METTL15: variants seen among roughly 807,000 people sequenced by gnomAD.
The protein encoded by METTL15 is 12S rRNA N(4)-cytidine methyltransferase METTL15.
Under a neutral mutation model 38.3 loss-of-function variants are expected in METTL15, and 34 were observed. The observed-to-expected ratio is 0.89, with a 90% CI of 0.68 to 1.18. The LOEUF is 1.18. Ranked by LOEUF, METTL15 falls within the 50% of genes most tolerant of loss-of-function variation. The pLI is 0.00. For missense variants in METTL15, 438 were observed against 498.4 expected (o/e 0.88, Z 1.15); for synonymous variants, 162 against 170.9 (o/e 0.95, Z 0.41).
At chr11:28,297,065 C>A in intron 6 of METTL15, 134 bp downstream of exon 6, 1 of 881,708 alleles carries the variant, frequency 1.1e-6, no homozygotes, top group Non-Finnish European at 1.7e-6. Context: ...TTCATTTGTA[C>A]TTGAAATCCA....
intron 3 of METTL15, among the ~76,000 whole-genome samples, chr11:28,159,112 C>T (rs1850363184): frequency 6.6e-6 from 1 of 152,020 alleles, no homozygotes; most frequent in Admixed American, 6.6e-5. Flanking sequence ...GGAATGCTGC[C>T]ACCAGGAGAC....
At chr11:28,530,848 C>T (rs148872252), downstream of METTL15, among the ~76,000 whole-genome samples, 474 of 152,060 alleles carry the variant, frequency 3.1e-3, 1 homozygote, top group African/African-American at 0.011. Context: ...TACAGTCTAT[C>T]TACAATGTTT....
intron 6 of METTL15, among the ~76,000 whole-genome samples, chr11:28,319,834 G>A (rs546845869): frequency 4.6e-5 from 7 of 152,136 alleles, no homozygotes; most frequent in African/African-American, 1.4e-4. Flanking sequence ...TGTGAATCCT[G>A]GAAAAAGGAG....
chr11:28,360,976 A>G (rs1410168848), intron 4 of METTL15, among the ~76,000 whole-genome samples: 4 of 151,990 alleles, frequency 2.6e-5, no homozygotes, highest in African/African-American at 9.7e-5. Flanking sequence ...TGTCCCTACA[A>G]AGGACATGAA....
chr11:28,213,457 C>G (rs184664727), intron 4 of METTL15, among the ~76,000 whole-genome samples: 1 of 151,810 alleles, frequency 6.6e-6, no homozygotes, highest in Non-Finnish European at 1.5e-5. Context: ...AACTGCAATT[C>G]TCTGGTAACT....
chr11:28,218,090 A>T (rs541082973), intron 4 of METTL15, among the ~76,000 whole-genome samples: 15 of 152,002 alleles, frequency 9.9e-5, no homozygotes, highest in African/African-American at 3.4e-4. Context: ...TCCTATTCCG[A>T]GAAGAAAGTC....
chr11:28,234,659 T>G (rs1179471443), intron 4 of METTL15, among the ~76,000 whole-genome samples: 2 of 148,574 alleles, frequency 1.3e-5, no homozygotes, highest in Non-Finnish European at 3.0e-5. Context: ...GTTGTTTGTT[T>G]TTTTCTTGTA....
intron 4 of METTL15, among the ~76,000 whole-genome samples, chr11:28,230,250 A>G (rs1472994138): frequency 6.6e-6 from 1 of 151,952 alleles, no homozygotes; most frequent in African/African-American, 2.4e-5. Context: ...AGACCTATAT[A>G]TTATAATTAA....
At chr11:28,378,079 T>C (rs931684764) in intron 5 of METTL15, among the ~76,000 whole-genome samples, 15 of 152,120 alleles carry the variant, frequency 9.9e-5, no homozygotes, top group African/African-American at 3.1e-4. Flanking sequence ...CAGGGACATT[T>C]AAGTCTGCAG....
chr11:28,357,590 C>G (rs531720899), intron 4 of METTL15, among the ~76,000 whole-genome samples: 63 of 152,292 alleles, frequency 4.1e-4, no homozygotes, highest in African/African-American at 1.5e-3. Flanking sequence ...GATAATCCTA[C>G]TTTATAAGCG....
intron 6 of METTL15, among the ~76,000 whole-genome samples, chr11:28,299,125 C>G (rs1856832962): frequency 6.6e-6 from 1 of 152,084 alleles, no homozygotes; most frequent in East Asian, 1.9e-4. Flanking sequence ...AAGCAGATAA[C>G]TATAGAACCT....
In METTL15 at chr11:28,279,532, CTTAT is replaced by C. The variant is rs546964084; in HGVS notation, c.408-10671_408-10668del. ...ATTAGTCCATTTCTTCATCTGCTCT[CTTAT>C]TTGTTATACATTATTTTATTATTCA... is the stretch of plus-strand genomic sequence containing the variant. On this transcript the variant is annotated intron_variant, in intron 4 of 6. Transcript: ENST00000407364. Among the ~76,000 whole-genome samples the C allele has an allele frequency of 4.7e-3, 720 of 152,222 alleles. 6 individuals are homozygous for C. The highest frequency in any genetic ancestry group is 0.016 in the African/African-American group (678 of 41,532).
intron 4 of METTL15, among the ~76,000 whole-genome samples, chr11:28,284,622 A>G (rs184625682): frequency 1.6e-3 from 244 of 152,332 alleles, no homozygotes; most frequent in Non-Finnish European, 2.8e-3. Flanking sequence ...GCAGCAGTGT[A>G]CATGAAAAAG....
chr11:28,513,370 AC>A (rs1851692449), intron 6 of METTL15, among the ~76,000 whole-genome samples: 1 of 152,172 alleles, frequency 6.6e-6, no homozygotes, highest in African/African-American at 2.4e-5. Context: ...GTCTTAGGAA[AC>A]TGATTTAACT....
At chr11:28,455,831 C>T (rs545375238) in intron 6 of METTL15, among the ~76,000 whole-genome samples, 26 of 152,136 alleles carry the variant, frequency 1.7e-4, no homozygotes, top group South Asian at 6.2e-4. Flanking sequence ...CTCAGCCTCC[C>T]GAGTAGCTGG....
In METTL15 at chr11:28,426,251, A is replaced by C. The variant is rs1850862948; in HGVS notation, c.*424+1887A>C. Among the ~76,000 whole-genome samples the C allele has an allele frequency of 7.9e-5, 12 of 152,278 alleles. No individual in the cohort carries two copies. In the South Asian group the frequency reaches 2.5e-3, roughly 32 times the overall value. On this transcript the variant is annotated intron_variant and NMD_transcript_variant, in intron 6 of 7. Transcript: ENST00000532947. The stretch of plus-strand genomic sequence containing the variant: ...GCTGAGGATAATGGCTTCCAGCTCC[A>C]TCCATGTCCCTGCAAAGGACATGAT...
chr11:28,223,066 T>A (rs1247838799), intron 4 of METTL15, among the ~76,000 whole-genome samples: 2 of 152,156 alleles, frequency 1.3e-5, no homozygotes, highest in East Asian at 3.9e-4. Flanking sequence ...TGGGTGGACA[T>A]CTTTTAATAT....
At chr11:28,508,851 C>A (rs556873438) in intron 6 of METTL15, among the ~76,000 whole-genome samples, 1 of 152,308 alleles carries the variant, frequency 6.6e-6, no homozygotes, top group African/African-American at 2.4e-5. Context: ...AGGCAAGGGA[C>A]ATCATTTAGG....
intron 3 of METTL15, among the ~76,000 whole-genome samples, chr11:28,166,518 G>C (rs1850663400): frequency 6.6e-6 from 1 of 152,124 alleles, no homozygotes. Flanking sequence ...CCTCATTTTT[G>C]ATATTATGAG....
Sources: allele counts gnomAD v4.1 joint callset (sites outside exome capture counted in the v4.1 genomes callset), GRCh38; gene constraint gnomAD v4.1.1; transcripts MANE v1.5; gene names NCBI Gene and HGNC (gene_info 2026-07-23, HGNC 2026-07-21).